The following KCNH5 variants were observed in gnomAD, a reference collection of about 807,000 sequenced individuals.
KCNH5 encodes the protein voltage-gated delayed rectifier potassium channel KCNH5.
KCNH5 carries 46 observed loss-of-function variants against 96.1 expected under a neutral mutation model. That is an observed-to-expected ratio of 0.48 (90% CI 0.38 to 0.61). KCNH5 has a LOEUF of 0.61. Among genes scored for constraint, KCNH5 ranks in the 20% least tolerant of loss-of-function variants. KCNH5 has a pLI of 0.00. For synonymous variants in KCNH5, 439 were observed against 449.8 expected (o/e 0.98, Z 0.30); for missense variants, 907 against 1,225.8 (o/e 0.74, Z 3.88).
chr14:62,880,003 A>G (rs1385323979), intron 7 of KCNH5, among the ~76,000 whole-genome samples: 1 of 152,174 alleles, frequency 6.6e-6, no homozygotes, highest in Non-Finnish European at 1.5e-5. Flanking sequence ...ACACCAAGCA[A>G]TGTGTTTAAT....
chr14:62,922,464 T>C (rs1310155919), intron 7 of KCNH5, among the ~76,000 whole-genome samples: 3 of 152,032 alleles, frequency 2.0e-5, no homozygotes, highest in Admixed American at 6.6e-5. Flanking sequence ...CAAAGTGTAA[T>C]AGAATAAAAC....
chr14:62,781,024 A>G (rs1350573630), intron 9 of KCNH5, among the ~76,000 whole-genome samples: 1 of 151,726 alleles, frequency 6.6e-6, no homozygotes, highest in African/African-American at 2.4e-5. Flanking sequence ...AAAAAGAAGA[A>G]GACCTTTATC....
intron 10 of KCNH5, among the ~76,000 whole-genome samples, chr14:62,769,223 A>G (rs1258026461): frequency 6.6e-6 from 1 of 152,252 alleles, no homozygotes; most frequent in Non-Finnish European, 1.5e-5. Flanking sequence ...TGTGGCGTGT[A>G]AACTGTGAAG....
At chr14:62,727,291 G>A (rs1884948221) in intron 10 of KCNH5, among the ~76,000 whole-genome samples, 2 of 152,080 alleles carry the variant, frequency 1.3e-5, no homozygotes, top group Admixed American at 6.6e-5. Context: ...CTTGAACCTG[G>A]GACGTGGGGG....
At chr14:62,770,174 T>C (rs1232312509) in intron 10 of KCNH5, among the ~76,000 whole-genome samples, 1 of 152,228 alleles carries the variant, frequency 6.6e-6, no homozygotes, top group Non-Finnish European at 1.5e-5. Context: ...AAGATGCTCG[T>C]ATTGCTACTG....
chr14:62,721,058 G>A (rs1884803124), intron 10 of KCNH5, among the ~76,000 whole-genome samples: 1 of 152,146 alleles, frequency 6.6e-6, no homozygotes, highest in African/African-American at 2.4e-5. Flanking sequence ...CCCTGGCAGT[G>A]GAATAAATTC....
chr14:62,702,987 G>A lies in KCNH5; in HGVS notation c.*4521C>T, dbSNP rs763487245. On this transcript the variant is annotated 3_prime_UTR_variant, in exon 11 of 11. Coordinates refer to ENST00000322893, the MANE Select transcript of KCNH5 (RefSeq NM_139318.5). Reference sequence around the variant, plus strand: ...ATTTAAGGGGTACACATTCAGTTTTGTTACATAGATACATTGGTGAACTAC... The same window carrying A: ...ATTTAAGGGGTACACATTCAGTTTTATTACATAGATACATTGGTGAACTAC... The A allele has an allele frequency of 2.0e-5, 3 of 151,910 alleles. No homozygotes were observed. Among genetic ancestry groups the A allele is most frequent in the Non-Finnish European group, 2.9e-5 (2 of 67,820 alleles). 9.4% of individuals were successfully genotyped at this position (151,910 alleles called of 1,614,324 possible).
chr14:62,840,077 G>A (rs1887544995), intron 8 of KCNH5, among the ~76,000 whole-genome samples: 1 of 152,030 alleles, frequency 6.6e-6, no homozygotes, highest in African/African-American at 2.4e-5. Context: ...CAGGGATTAT[G>A]TTTATTTCTA....
chr14:62,993,875 GCAAA>G (rs1890859037), intron 4 of KCNH5, among the ~76,000 whole-genome samples: 1 of 152,050 alleles, frequency 6.6e-6, no homozygotes, highest in South Asian at 2.1e-4. Flanking sequence ...ACAGGGTAAT[GCAAA>G]CAGAGAGCTG....
At chr14:62,922,367 G>A (rs533338626) in intron 7 of KCNH5, among the ~76,000 whole-genome samples, 134 of 151,950 alleles carry the variant, frequency 8.8e-4, no homozygotes, top group Non-Finnish European at 1.3e-3. Flanking sequence ...TAGTAGACAT[G>A]CATATATATG....
At chr14:62,789,938 G>A (rs946179742) in intron 9 of KCNH5, among the ~76,000 whole-genome samples, 2 of 151,624 alleles carry the variant, frequency 1.3e-5, no homozygotes, top group Admixed American at 6.6e-5. Context: ...TGCTTTTATG[G>A]CTCAAGCTTT....
chr14:62,963,327 G>C (rs1423025565), intron 6 of KCNH5, among the ~76,000 whole-genome samples: 1 of 152,086 alleles, frequency 6.6e-6, no homozygotes, highest in Non-Finnish European at 1.5e-5. Context: ...CCTCCACTGG[G>C]GGTCTTGGAA....
intron 7 of KCNH5, among the ~76,000 whole-genome samples, chr14:62,916,251 C>T (rs9635240): frequency 0.035 from 5,276 of 152,166 alleles, 162 homozygotes; most frequent in East Asian, 0.17. Flanking sequence ...CACGCCCAGC[C>T]AGCCAGGGTT....
chr14:62,939,037 A>G (rs1475706902), intron 7 of KCNH5, among the ~76,000 whole-genome samples: 1 of 152,192 alleles, frequency 6.6e-6, no homozygotes, highest in African/African-American at 2.4e-5. Flanking sequence ...ATTTTCCTTC[A>G]TATAGGAGAA....
intron 9 of KCNH5, among the ~76,000 whole-genome samples, chr14:62,782,398 T>C (rs1886237213): frequency 6.6e-6 from 1 of 152,176 alleles, no homozygotes; most frequent in Admixed American, 6.5e-5. Flanking sequence ...GAATAGTTAA[T>C]TAATCTTAAG....
At position 62,905,973 on chromosome 14, in the gene KCNH5, T is replaced by G. The variant is rs1889019103; in HGVS notation, c.1369+44160A>C. ...TCCCCACCCTAACTCTCCCATAGGT[T>G]TGAAAATTTGCCTCCCTTACTCAAA... On this transcript the variant is annotated intron_variant, in intron 7 of 10. Transcript: ENST00000322893. Among the ~76,000 whole-genome samples the G allele has an allele frequency of 2.0e-5, 3 of 152,210 alleles. No individual in the cohort carries two copies. The South Asian group carries it at 6.2e-4, about 32-fold the overall frequency.
intron 6 of KCNH5, among the ~76,000 whole-genome samples, chr14:62,962,349 G>T (rs1159473327): frequency 5.9e-5 from 9 of 152,076 alleles, no homozygotes; most frequent in African/African-American, 1.9e-4. Context: ...AAAAAATGCT[G>T]GAAATCATTC....
intron 7 of KCNH5, among the ~76,000 whole-genome samples, chr14:62,879,498 C>G (rs551109779): frequency 6.6e-6 from 1 of 151,938 alleles, no homozygotes; most frequent in Non-Finnish European, 1.5e-5. Flanking sequence ...TTCTTTAACC[C>G]GCAAATTATT....
chr14:63,024,208 C>CAAAAAAAAAAAAA (rs574336970), intron 1 of KCNH5, among the ~76,000 whole-genome samples: 8 of 140,274 alleles, frequency 5.7e-5, no homozygotes, highest in East Asian at 4.2e-4. Flanking sequence ...GACTCCATCT[C>CAAAAAAAAAAAAA]AAAAAATATA....
Sources: gnomAD v4.1 joint callset for allele counts (sites outside exome capture counted in the v4.1 genomes callset) on GRCh38, gnomAD v4.1.1 for gene constraint, MANE v1.5 for transcripts, NCBI Gene and HGNC (gene_info 2026-07-23, HGNC 2026-07-21) for gene names.